Variants in KL observed in about 807,000 individuals in gnomAD.
The protein encoded by KL is klotho.
A neutral mutation model predicts 84.2 loss-of-function variants in KL; 62 were observed. The observed-to-expected ratio is 0.74, with a 90% CI of 0.60 to 0.91. The LOEUF is 0.91. Ranked by LOEUF, KL falls within the 40% of genes least tolerant of loss-of-function variation. The probability of loss-of-function intolerance (pLI) is 0.00; values close to 1 mark genes in which losing one functional copy is unlikely to be tolerated. For synonymous variants in KL, 528 were observed against 528.0 expected, an observed-to-expected ratio of 1.00 and a Z score of 0.00; for missense variants, 1,261 against 1,305.7, an observed-to-expected ratio of 0.97 and a Z score of 0.53.
At chr13:33,019,708 GGTGT>G (rs111786826) in intron 1 of KL, among the ~76,000 whole-genome samples, 18 of 133,262 alleles carry the variant, frequency 1.4e-4, no homozygotes, top group African/African-American at 3.6e-4. Flanking sequence ...TGGCAAAAAT[GGTGT>G]GTGTGTGTGT....
intron 1 of KL, among the ~76,000 whole-genome samples, chr13:33,046,857 A>G (rs1461700633): frequency 6.6e-6 from 1 of 151,816 alleles, no homozygotes; most frequent in East Asian, 1.9e-4. Flanking sequence ...TTTTTTATAT[A>G]CACATTTAAG....
At chr13:33,056,176 C>T (rs934584667) in intron 3 of KL, among the ~76,000 whole-genome samples, 4 of 152,034 alleles carry the variant, frequency 2.6e-5, no homozygotes, top group East Asian at 1.9e-4. Context: ...GTAACAAGGG[C>T]GGGGCTGGGG....
chr13:33,044,635 A>ATTTT (rs1871453892), intron 1 of KL, among the ~76,000 whole-genome samples: 23 of 72,278 alleles, frequency 3.2e-4, no homozygotes, highest in South Asian at 4.5e-4. Flanking sequence ...AATGCAATTG[A>ATTTT]TTTTCTTTTT....
rs142950128 is a variant in KL, at chr13:33,036,553, G to A, written c.820-17214G>A. Among the ~76,000 whole-genome samples, 586 of 152,244 alleles carry A rather than the reference G, an allele frequency of 3.8e-3. 4 individuals carry two copies. The highest frequency in any genetic ancestry group is 9.5e-3 in the Admixed American group (145 of 15,280). On this transcript the variant is annotated intron_variant, in intron 1 of 4. Coordinates refer to ENST00000380099, the MANE Select transcript of KL (RefSeq NM_004795.4). ...CTCTCCTAATATAGGACAGTCACAT[G>A]TCTCTATTCCAGCAAAACAATCTCA...
chr13:33,059,170 G>C (rs1332204664), intron 3 of KL, among the ~76,000 whole-genome samples: 3 of 152,152 alleles, frequency 2.0e-5, no homozygotes, highest in African/African-American at 7.2e-5. Context: ...TTTCAGAGGG[G>C]AACACAGGCT....
rs988782968 is a variant in KL, at chr13:33,064,631, C to T, written c.*445C>T. 4.1e-6 allele frequency: 1 copy of T among 244,972 alleles called. No homozygotes were observed. Among genetic ancestry groups the T allele is most frequent in the Non-Finnish European group, 8.0e-6 (1 of 125,704 alleles). 15.2% of individuals were successfully genotyped at this position (244,972 alleles called of 1,614,324 possible). A position where few individuals can be genotyped will look rare whatever the true frequency, so the allele number is the denominator to read the frequency against. On this transcript the variant is annotated 3_prime_UTR_variant, in exon 5 of 5. Coordinates refer to ENST00000380099, the MANE Select transcript of KL (RefSeq NM_004795.4). ...CATTTCTCAGCTGCCATAATAATGC[C>T]TAGTGGCTTCCCCTCTGTCAAATCT...
At chr13:33,019,606 A>G (rs1322094354) in intron 1 of KL, among the ~76,000 whole-genome samples, 2 of 152,110 alleles carry the variant, frequency 1.3e-5, no homozygotes, top group East Asian at 3.9e-4. Context: ...GACAGGAGGC[A>G]GAACAAACAA....
chr13:33,057,028 G>A (rs1267042964), intron 3 of KL, among the ~76,000 whole-genome samples: 3 of 152,208 alleles, frequency 2.0e-5, no homozygotes, highest in Admixed American at 2.0e-4. Context: ...TGGGAGAAGT[G>A]AGGCTGGTGA....
chr13:33,031,213 G>A (rs931594590), intron 1 of KL, among the ~76,000 whole-genome samples: 1 of 152,194 alleles, frequency 6.6e-6, no homozygotes, highest in African/African-American at 2.4e-5. Flanking sequence ...CAGCAAAATT[G>A]TAGTAAATAC....
intron 1 of KL, among the ~76,000 whole-genome samples, chr13:33,039,039 C>A (rs1279233446): frequency 6.6e-6 from 1 of 152,176 alleles, no homozygotes; most frequent in African/African-American, 2.4e-5. Flanking sequence ...TATCTCTGTA[C>A]AAATCCTTTA....
rs1264443613 is a variant in KL, at chr13:33,061,348, A to G, written c.2269A>G (p.Ile757Val). 2.5e-6 allele frequency: 4 copies of G among 1,614,164 alleles called. No individual in the cohort carries two copies. Among genetic ancestry groups the G allele is most frequent in the East Asian group, 4.5e-5 (2 of 44,886 alleles). ...EVAERVLEFD[I>V]GWLAEPIFGS... Reference sequence around the variant, plus strand: ...GGCTGAGAGAGTTTTGGAATTTGACATTGGCTGGCTGGCTGAGCCCATTTT... The same window carrying G: ...GGCTGAGAGAGTTTTGGAATTTGACGTTGGCTGGCTGGCTGAGCCCATTTT... Residue 757 changes from isoleucine (I) to valine (V), a missense_variant, in exon 4 of 5, where the codon ATT becomes GTT. Coordinates refer to ENST00000380099, the MANE Select transcript of KL (RefSeq NM_004795.4).
intron 1 of KL, among the ~76,000 whole-genome samples, chr13:33,048,956 T>TACCAAA (rs1340772354): frequency 6.6e-6 from 1 of 152,168 alleles, no homozygotes; most frequent in Non-Finnish European, 1.5e-5. Flanking sequence ...GGCTACTAGC[T>TACCAAA]AGTTGGTAGG....
chr13:33,060,686 C>A lies in KL; in HGVS notation c.1607C>A (p.Thr536Asn), dbSNP rs1429089575. Residue 536 changes from threonine (T) to asparagine (N), a missense_variant, in exon 4 of 5, where the codon ACC (threonine) becomes AAC (asparagine). By Grantham distance (65) the Thr-to-Asn change is moderately conservative. Transcript: ENST00000380099. ...TTACTCTGCCCTTCACAGGTAGATA[C>A]CACTCTGTCTCAGTTTACCGACCTG... ...GVVDNYIQVDTTLSQFTDLNV... is the reference protein window; with the variant it reads ...GVVDNYIQVDNTLSQFTDLNV... 2 of 1,614,160 alleles carry A rather than the reference C, an allele frequency of 1.2e-6. No individual in the cohort carries two copies. The highest frequency in any genetic ancestry group is 2.2e-5 in the East Asian group (1 of 44,884).
chr13:33,024,365 G>A (rs886575886), intron 1 of KL, among the ~76,000 whole-genome samples: 3 of 152,210 alleles, frequency 2.0e-5, no homozygotes, highest in Non-Finnish European at 2.9e-5. Context: ...TAAGGTGGAG[G>A]AGAGGAGAGG....
chr13:33,018,617 T>C (rs568461), intron 1 of KL, among the ~76,000 whole-genome samples: 43,203 of 152,132 alleles, frequency 0.28, 6,330 homozygotes, highest in Non-Finnish European at 0.32. Context: ...ACTTTTTCAA[T>C]CCTTTTATGG....
chr13:33,052,355 G>A (rs986572011), intron 1 of KL, among the ~76,000 whole-genome samples: 2 of 152,282 alleles, frequency 1.3e-5, no homozygotes, highest in East Asian at 3.9e-4. Context: ...AGAAGGGTAG[G>A]AGACATCATA....
At chr13:33,041,476 A>G (rs1871338068) in intron 1 of KL, among the ~76,000 whole-genome samples, 1 of 151,852 alleles carries the variant, frequency 6.6e-6, no homozygotes, top group Non-Finnish European at 1.5e-5. Context: ...ATCAAACATT[A>G]CTACAACACT....
Position 33,060,760 on chromosome 13 carries a change from G to A in KL, c.1681G>A (p.Asp561Asn). Residue 561 changes from aspartate (D) to asparagine (N), a missense_variant, in exon 4 of 5, where the codon GAT becomes AAT. Coordinates refer to ENST00000380099, the MANE Select transcript of KL (RefSeq NM_004795.4). ...CCACAGTAAAAGGCTTATTAAAGTG[G>A]ATGGGGTTGTGACCAAGAAGAGGAA... is the stretch of plus-strand genomic sequence containing the variant. Reference protein sequence around the residue: ...VHHSKRLIKVDGVVTKKRKSY... With the variant: ...VHHSKRLIKVNGVVTKKRKSY... The A allele has an allele frequency of 6.2e-7, 1 of 1,614,234 alleles. No homozygotes were observed.
At chr13:33,063,254 A>G (rs1872277292) in intron 4 of KL, among the ~76,000 whole-genome samples, 1 of 140,220 alleles carries the variant, frequency 7.1e-6, no homozygotes, top group Middle Eastern at 3.6e-3. Flanking sequence ...TGGAAAAAGG[A>G]AAAAAAAAAA....
Sources: allele counts gnomAD v4.1 joint callset (sites outside exome capture counted in the v4.1 genomes callset), GRCh38; gene constraint gnomAD v4.1.1; transcripts MANE v1.5; gene names NCBI Gene and HGNC (gene_info 2026-07-23, HGNC 2026-07-21).